PTPRD: variants seen among roughly 807,000 people sequenced by gnomAD.
The protein encoded by PTPRD is receptor-type tyrosine-protein phosphatase delta.
PTPRD carries 34 observed loss-of-function variants against 214.5 expected under a neutral mutation model. The observed-to-expected ratio is 0.16, with a 90% CI of 0.12 to 0.21. The LOEUF (loss-of-function observed/expected upper bound fraction) is 0.21, where lower values mean the gene tolerates loss of function less well. Ranked by LOEUF, PTPRD falls within the 10% of genes least tolerant of loss-of-function variation. PTPRD has a pLI of 1.00. For synonymous variants in PTPRD, 1,128 were observed against 845.7 expected (o/e 1.33, Z -5.79); for missense variants, 2,545 against 2,398.7 (o/e 1.06, Z -1.27).
At chr9:9,345,971 A>G (rs1227647935) in intron 9 of PTPRD, among the ~76,000 whole-genome samples, 3 of 152,152 alleles carry the variant, frequency 2.0e-5, no homozygotes, top group African/African-American at 7.2e-5. Context: ...TATTTTGTTA[A>G]CAGTGGAACT....
intron 8 of PTPRD, among the ~76,000 whole-genome samples, chr9:9,462,119 T>A (rs2093713245): frequency 6.6e-6 from 1 of 152,140 alleles, no homozygotes; most frequent in African/African-American, 2.4e-5. Context: ...CTGCAAATAG[T>A]CGACTCACAA....
At chr9:10,473,775 G>C (rs1270615735) in intron 2 of PTPRD, among the ~76,000 whole-genome samples, 1 of 152,096 alleles carries the variant, frequency 6.6e-6, no homozygotes, top group African/African-American at 2.4e-5. Context: ...ATTCTTGGAA[G>C]TTGTGTTAAA....
intron 9 of PTPRD, among the ~76,000 whole-genome samples, chr9:9,391,338 T>A (rs1456268338): frequency 6.6e-6 from 1 of 152,152 alleles, no homozygotes; most frequent in Non-Finnish European, 1.5e-5. Context: ...ATTTTTTAAA[T>A]GACTAATGTG....
intron 9 of PTPRD, among the ~76,000 whole-genome samples, chr9:9,373,145 G>A (rs527595063): frequency 2.0e-5 from 3 of 152,022 alleles, no homozygotes; most frequent in Non-Finnish European, 4.4e-5. Flanking sequence ...CACAGAGGCT[G>A]TATAGTACAA....
chr9:9,821,150 A>T (rs10118515), intron 5 of PTPRD, among the ~76,000 whole-genome samples: 4,237 of 152,070 alleles, frequency 0.028, 68 homozygotes, highest in Middle Eastern at 0.058. Flanking sequence ...TTTTCTGTTA[A>T]GTATTTTTGT....
chr9:8,331,247 TATGAAA>T (rs1840536400), intron 44 of PTPRD, among the ~76,000 whole-genome samples: 1 of 152,056 alleles, frequency 6.6e-6, no homozygotes, highest in Admixed American at 6.6e-5. Context: ...AGTGCATTGC[TATGAAA>T]GCAAAAGCAA....
intron 9 of PTPRD, among the ~76,000 whole-genome samples, chr9:9,362,285 T>C (rs1369600897): frequency 6.6e-6 from 1 of 151,194 alleles, no homozygotes; most frequent in Non-Finnish European, 1.5e-5. Flanking sequence ...TAGCAGATTC[T>C]CCCTTTATTA....
At chr9:9,599,121 G>A (rs2093574768) in intron 7 of PTPRD, among the ~76,000 whole-genome samples, 1 of 151,984 alleles carries the variant, frequency 6.6e-6, no homozygotes, top group Non-Finnish European at 1.5e-5. Context: ...ACTCTATACA[G>A]TAAATGAATA....
At chr9:9,761,556 TG>T in intron 6 of PTPRD, among the ~76,000 whole-genome samples, 2 of 152,292 alleles carry the variant, frequency 1.3e-5, no homozygotes, top group South Asian at 4.2e-4. Flanking sequence ...ACAATGGGCA[TG>T]GGGTAAATCT....
At chr9:8,933,232 G>A (rs1306235067) in intron 11 of PTPRD, among the ~76,000 whole-genome samples, 2 of 151,302 alleles carry the variant, frequency 1.3e-5, no homozygotes, top group East Asian at 3.9e-4. Flanking sequence ...GATGAGCAGG[G>A]TACATCAGTT....
At chr9:9,772,987 C>T (rs12555408) in intron 5 of PTPRD, among the ~76,000 whole-genome samples, 6,597 of 152,148 alleles carry the variant, frequency 0.043, 607 homozygotes, top group East Asian at 0.39. Context: ...AAGCTAAATG[C>T]CTTATCATAG....
chr9:10,510,731 C>A (rs1270482489), intron 2 of PTPRD, among the ~76,000 whole-genome samples: 1 of 152,088 alleles, frequency 6.6e-6, no homozygotes, highest in Non-Finnish European at 1.5e-5. Context: ...ATCTACTCTT[C>A]TAGTTATTTT....
intron 12 of PTPRD, among the ~76,000 whole-genome samples, chr9:8,698,419 T>C (rs1384045245): frequency 6.6e-6 from 1 of 152,218 alleles, no homozygotes; most frequent in Non-Finnish European, 1.5e-5. Context: ...GGATTACTGT[T>C]AACTGCGGAA....
intron 2 of PTPRD, among the ~76,000 whole-genome samples, chr9:10,503,827 T>C (rs2044744222): frequency 6.6e-6 from 1 of 151,628 alleles, no homozygotes; most frequent in Non-Finnish European, 1.5e-5. Flanking sequence ...TTAGAAAAGA[T>C]ATACGAAGGC....
intron 9 of PTPRD, among the ~76,000 whole-genome samples, chr9:9,236,504 T>A (rs4401923): frequency 0.19 from 28,505 of 151,570 alleles, 3,275 homozygotes; most frequent in Non-Finnish European, 0.25. Context: ...TTCCTGGGAG[T>A]CCCTGACACT....
chr9:8,423,314 TAAC>T (rs1453139481), intron 35 of PTPRD, among the ~76,000 whole-genome samples: 1 of 152,132 alleles, frequency 6.6e-6, no homozygotes, highest in Non-Finnish European at 1.5e-5. Context: ...AAAACAATAA[TAAC>T]AATAAATTCT....
At chr9:10,465,802 C>T (rs2098989524) in intron 2 of PTPRD, among the ~76,000 whole-genome samples, 2 of 152,304 alleles carry the variant, frequency 1.3e-5, no homozygotes, top group East Asian at 3.9e-4. Context: ...TCACACAATG[C>T]TGACCTCACC....
intron 11 of PTPRD, among the ~76,000 whole-genome samples, chr9:8,843,427 G>A (rs139364803): frequency 3.3e-5 from 5 of 152,222 alleles, no homozygotes; most frequent in Non-Finnish European, 5.9e-5. Context: ...CTGTAACCTT[G>A]AAAAGATCAA....
chr9:8,321,487 GTATA>G (rs750825729), intron 44 of PTPRD, among the ~76,000 whole-genome samples: 846 of 44,452 alleles, frequency 0.019, 14 homozygotes, highest in Non-Finnish European at 0.021. Context: ...GTGTGTGTGT[GTATA>G]TATATATATA....
Sources: gnomAD v4.1 joint callset for allele counts (sites outside exome capture counted in the v4.1 genomes callset) on GRCh38, gnomAD v4.1.1 for gene constraint, MANE v1.5 for transcripts, NCBI Gene and HGNC (gene_info 2026-07-23, HGNC 2026-07-21) for gene names.